Variants in NCKAP5 observed in about 807,000 individuals in gnomAD.
NCKAP5 encodes nck-associated protein 5.
NCKAP5 carries 92 observed loss-of-function variants against 167.0 expected under a neutral mutation model. That is an observed-to-expected ratio of 0.55 (90% CI 0.47 to 0.66). NCKAP5 has a LOEUF of 0.66. Among genes scored for constraint, NCKAP5 ranks in the 30% least tolerant of loss-of-function variants. The pLI, the probability that NCKAP5 is intolerant of heterozygous loss-of-function variation, is 0.00. For missense variants in NCKAP5, 2,378 were observed against 2,315.0 expected, an observed-to-expected ratio of 1.03 and a Z score of -0.56; for synonymous variants, 891 against 877.4, an observed-to-expected ratio of 1.02 and a Z score of -0.27.
At chr2:133,345,851 C>T (rs2150789144) in intron 3 of NCKAP5, among the ~76,000 whole-genome samples, 1 of 152,086 alleles carries the variant, frequency 6.6e-6, no homozygotes, top group Middle Eastern at 3.4e-3. Context: ...TGGGAAATTC[C>T]TAGGAGGTTT....
At chr2:132,674,046 G>A (rs1004776352) in intron 19 of NCKAP5, among the ~76,000 whole-genome samples, 4 of 152,088 alleles carry the variant, frequency 2.6e-5, no homozygotes, top group African/African-American at 9.7e-5. Flanking sequence ...GAATATATTC[G>A]GTTGCTCAGT....
the NCKAP5 span, among the ~76,000 whole-genome samples, chr2:133,590,539 A>C: frequency 6.6e-6 from 1 of 151,584 alleles, no homozygotes; most frequent in South Asian, 2.1e-4. Context: ...AAAAAAAAAA[A>C]AAAAAAGAAA....
At chr2:133,032,245 G>A (rs529881537) in intron 6 of NCKAP5, among the ~76,000 whole-genome samples, 1 of 152,272 alleles carries the variant, frequency 6.6e-6, no homozygotes, top group African/African-American at 2.4e-5. Flanking sequence ...GCCCTGAAGG[G>A]TAAGTCCCAG....
At position 133,124,013 on chromosome 2, in the gene NCKAP5, C is replaced by T. The variant is rs777759783; in HGVS notation, c.341+5965G>A. On this transcript the variant is annotated intron_variant, in intron 6 of 19. Coordinates refer to ENST00000409261, the MANE Select transcript of NCKAP5 (RefSeq NM_207363.3). ...AACAGCAATGAATGAACGAGTTAAG[C>T]GGTAAAACCATCTCCATTTACGACT... is the stretch of plus-strand genomic sequence containing the variant. Among the ~76,000 whole-genome samples the T allele has an allele frequency of 6.6e-5, 10 of 152,254 alleles. No individual in the cohort carries two copies. In the South Asian group the frequency reaches 1.0e-3, roughly 16 times the overall value.
chr2:132,697,182 G>A (rs1447934317), intron 19 of NCKAP5, among the ~76,000 whole-genome samples: 3 of 136,458 alleles, frequency 2.2e-5, no homozygotes, highest in South Asian at 4.8e-4. Flanking sequence ...GCACTGCGCC[G>A]GCCGACATCC....
At chr2:133,281,891 C>A (rs926800548) in intron 4 of NCKAP5, among the ~76,000 whole-genome samples, 3 of 152,164 alleles carry the variant, frequency 2.0e-5, no homozygotes, top group Non-Finnish European at 4.4e-5. Context: ...GAAGAAAGAG[C>A]ATGTTGGGCA....
At chr2:132,978,031 T>A (rs115311343) in intron 7 of NCKAP5, among the ~76,000 whole-genome samples, 111 of 152,296 alleles carry the variant, frequency 7.3e-4, no homozygotes, top group African/African-American at 2.6e-3. Context: ...AAGACAGCTG[T>A]AATCCTGCCA....
chr2:133,581,187 A>T, the NCKAP5 span, among the ~76,000 whole-genome samples: 104 of 152,208 alleles, frequency 6.8e-4, no homozygotes, highest in African/African-American at 2.1e-3. Context: ...ATATGAGTTT[A>T]AAAAAAATCT....
upstream of NCKAP5, among the ~76,000 whole-genome samples, chr2:133,569,364 TTTCC>T (rs1486319837): frequency 6.6e-6 from 1 of 152,178 alleles, no homozygotes; most frequent in Non-Finnish European, 1.5e-5. Context: ...AGCCCACTGT[TTTCC>T]TTCCTTCCTC....
chr2:132,745,785 T>C (rs1679587191), intron 16 of NCKAP5, among the ~76,000 whole-genome samples: 2 of 152,018 alleles, frequency 1.3e-5, no homozygotes, highest in African/African-American at 4.8e-5. Context: ...CAAAATCAAT[T>C]GTATTAGTAT....
At chr2:133,185,011 G>A (rs2084885108) in intron 5 of NCKAP5, among the ~76,000 whole-genome samples, 1 of 151,638 alleles carries the variant, frequency 6.6e-6, no homozygotes, top group South Asian at 2.1e-4. Context: ...TTGCTTTTGG[G>A]GTCTTCATCT....
intron 11 of NCKAP5, among the ~76,000 whole-genome samples, chr2:132,857,006 T>C (rs1689523744): frequency 6.6e-6 from 1 of 152,208 alleles, no homozygotes; most frequent in South Asian, 2.1e-4. Flanking sequence ...TGATAGGTCC[T>C]ACCCCATGGG....
chr2:132,909,711 C>T (rs1694291885), intron 8 of NCKAP5, among the ~76,000 whole-genome samples: 1 of 152,166 alleles, frequency 6.6e-6, no homozygotes, highest in Admixed American at 6.5e-5. Flanking sequence ...GTGAGGAACA[C>T]TTTGCTTTAC....
intron 6 of NCKAP5, among the ~76,000 whole-genome samples, chr2:133,048,596 C>A (rs898370421): frequency 6.6e-6 from 1 of 152,126 alleles, no homozygotes; most frequent in Non-Finnish European, 1.5e-5. Context: ...TGTCACAATT[C>A]TCTGAACTGT....
At chr2:133,072,901 C>T (rs1164559449) in intron 6 of NCKAP5, among the ~76,000 whole-genome samples, 1 of 152,120 alleles carries the variant, frequency 6.6e-6, no homozygotes, top group African/African-American at 2.4e-5. Flanking sequence ...TAAAAACCCA[C>T]CATGGCTCCG....
In NCKAP5 at chr2:133,558,704, CAAAAAAA is replaced by C. The variant is rs60051493; in HGVS notation, c.-62+339_-62+345del. On this transcript the variant is annotated intron_variant, in intron 2 of 19. Coordinates refer to ENST00000409261, the MANE Select transcript of NCKAP5 (RefSeq NM_207363.3). ...ACATAAACAGATGCAATGTGCTGAG[CAAAAAAA>C]AAAAAAAAAAAAAAAGCCCATATGG... is the stretch of plus-strand genomic sequence containing the variant. Among the ~76,000 whole-genome samples the C allele has an allele frequency of 5.1e-3, 262 of 50,882 alleles. 1 individual carries two copies. The highest frequency in any genetic ancestry group is 0.019 in the African/African-American group (240 of 12,326). The allele number at this position is 50,882 out of a possible 152,430, so 33.4% of individuals were successfully genotyped here. A position where few individuals can be genotyped will look rare whatever the true frequency, so the allele number is the denominator to read the frequency against.
chr2:133,662,593 C>T, the NCKAP5 span, among the ~76,000 whole-genome samples: 13 of 145,540 alleles, frequency 8.9e-5, no homozygotes, highest in African/African-American at 3.3e-4. Flanking sequence ...GATCACAATA[C>T]CATTAGGTTG....
intron 19 of NCKAP5, among the ~76,000 whole-genome samples, chr2:132,692,549 C>A (rs1686864737): frequency 6.6e-6 from 1 of 151,742 alleles, no homozygotes; most frequent in Non-Finnish European, 1.5e-5. Context: ...CAAACTTGCT[C>A]CATCCACAAT....
chr2:133,133,240 G>T (rs1028053071), intron 5 of NCKAP5, among the ~76,000 whole-genome samples: 2 of 152,166 alleles, frequency 1.3e-5, no homozygotes, highest in East Asian at 3.9e-4. Context: ...GGGAATCTGG[G>T]TTACAAATCT....
Sources: allele counts gnomAD v4.1 joint callset (sites outside exome capture counted in the v4.1 genomes callset), GRCh38; gene constraint gnomAD v4.1.1; transcripts MANE v1.5; gene names NCBI Gene and HGNC (gene_info 2026-07-23, HGNC 2026-07-21).